Variants in CD226 observed in about 807,000 individuals in gnomAD.
The protein encoded by CD226 is CD226 molecule.
In CD226, 24 loss-of-function variants were observed where a neutral mutation model predicts 34.9. That is an observed-to-expected ratio of 0.69 (90% CI 0.50 to 0.97). CD226 has a LOEUF of 0.97. Among genes scored for constraint, CD226 ranks in the 50% least tolerant of loss-of-function variants. The pLI is 0.00. For missense variants in CD226, 397 were observed against 412.7 expected (o/e 0.96, Z 0.33); for synonymous variants, 148 against 147.4 (o/e 1.00, Z -0.03).
At chr18:69,946,662 C>T (rs2055796012) in intron 2 of CD226, 72 bp downstream of exon 2, 2 of 1,001,328 alleles carry the variant, frequency 2.0e-6, no homozygotes, top group Middle Eastern at 2.3e-4. Context: ...ATAGCTTCTA[C>T]TTGGGCTTTA....
intron 3 of CD226, among the ~76,000 whole-genome samples, chr18:69,880,534 T>C (rs1471850459): frequency 2.6e-5 from 4 of 151,254 alleles, no homozygotes; most frequent in Non-Finnish European, 5.9e-5. Context: ...GTCTTAGAAG[T>C]AGAAAGTAGA....
chr18:69,909,805 C>A (rs2055302240), intron 2 of CD226, among the ~76,000 whole-genome samples: 2 of 152,180 alleles, frequency 1.3e-5, no homozygotes, highest in Admixed American at 1.3e-4. Flanking sequence ...TAATCCTACG[C>A]AACAATAATT....
At chr18:69,917,099 C>A (rs993287396) in intron 2 of CD226, among the ~76,000 whole-genome samples, 9 of 152,142 alleles carry the variant, frequency 5.9e-5, no homozygotes, top group Non-Finnish European at 8.8e-5. Context: ...TGACAAGGGC[C>A]TTGTCATAAT....
intron 3 of CD226, among the ~76,000 whole-genome samples, chr18:69,878,858 GAAC>G (rs1417334658): frequency 6.6e-6 from 1 of 152,112 alleles, no homozygotes; most frequent in Non-Finnish European, 1.5e-5. Context: ...TTTATCGGGG[GAAC>G]CTGCCCCTGA....
intron 3 of CD226, among the ~76,000 whole-genome samples, chr18:69,883,453 T>C (rs1178343878): frequency 6.6e-6 from 1 of 152,138 alleles, no homozygotes; most frequent in Non-Finnish European, 1.5e-5. Flanking sequence ...CCATCTTGCT[T>C]CTCATTATAT....
intron 2 of CD226, among the ~76,000 whole-genome samples, chr18:69,911,762 T>G (rs1400158093): frequency 6.6e-6 from 1 of 152,222 alleles, no homozygotes; most frequent in Non-Finnish European, 1.5e-5. Flanking sequence ...AGGTAAATAC[T>G]TTGGTATACA....
intron 1 of CD226, among the ~76,000 whole-genome samples, chr18:69,955,780 G>A (rs1453575394): frequency 2.1e-5 from 3 of 141,884 alleles, no homozygotes; most frequent in African/African-American, 5.1e-5. Flanking sequence ...GGAGAATGGC[G>A]TGAACCCAGG....
At position 69,856,694 on chromosome 18, in the gene CD226, T is replaced by G. The variant is rs1982620293; in HGVS notation, c.*7620A>C. ...AAATATATAGAGATTAAACAACACATTGTAAATAATTCATGGCTCAAAGAA... is the reference window on the plus strand; with the variant it reads ...AAATATATAGAGATTAAACAACACAGTGTAAATAATTCATGGCTCAAAGAA... On this transcript the variant is annotated 3_prime_UTR_variant, in exon 6 of 6. Coordinates refer to ENST00000582621, the MANE Select transcript of CD226 (RefSeq NM_001303618.2). 1 of 152,060 alleles carries G rather than the reference T, an allele frequency of 6.6e-6. No homozygotes were observed. The highest frequency in any genetic ancestry group is 2.1e-4 in the South Asian group (1 of 4,812). The allele number at this position is 152,060 out of a possible 1,614,324, so 9.4% of individuals were successfully genotyped here.
At chr18:69,865,656 C>T (rs1760531737) in intron 5 of CD226, among the ~76,000 whole-genome samples, 1 of 152,154 alleles carries the variant, frequency 6.6e-6, no homozygotes, top group South Asian at 2.1e-4. Context: ...CTTGATTCTA[C>T]AGTTGGCATC....
intron 3 of CD226, among the ~76,000 whole-genome samples, chr18:69,875,666 C>G (rs1270457581): frequency 6.6e-6 from 1 of 152,158 alleles, no homozygotes; most frequent in Non-Finnish European, 1.5e-5. Context: ...TTCCATATAC[C>G]TATTGGCCAG....
chr18:69,864,514 C>T, intron 5 of CD226, 75 bp from the exon 6 acceptor site: 2 of 1,444,242 alleles, frequency 1.4e-6, no homozygotes, highest in Non-Finnish European at 9.5e-7. Context: ...CAAAACATAC[C>T]TCTCATAAAT....
intron 2 of CD226, among the ~76,000 whole-genome samples, chr18:69,942,767 C>T (rs1384005609): frequency 6.6e-6 from 1 of 152,156 alleles, no homozygotes; most frequent in African/African-American, 2.4e-5. Flanking sequence ...GTGAGAACCA[C>T]ATCTTATCCA....
rs748881338 is a variant in CD226, at chr18:69,946,859, A to G, written c.257T>C (p.Met86Thr). Residue 86 changes from methionine to threonine, a missense_variant, in exon 2 of 6, where the codon ATG (methionine) becomes ACG (threonine). By Grantham distance (81) the Met-to-Thr change is moderately conservative. Coordinates refer to ENST00000582621, the MANE Select transcript of CD226 (RefSeq NM_001303618.2). ...AERVYFLNST[M>T]ASNNMTLFFR... ...GAAAAGAGTCATGTTATTGGAAGCC[A>G]TCGTTGAATTCAAAAAGTAAACCCT... 48 of 1,614,056 alleles carry G rather than the reference A, an allele frequency of 3.0e-5. No individual in the cohort carries two copies. Among genetic ancestry groups the G allele is most frequent in the Non-Finnish European group, 1.1e-5 (13 of 1,180,024 alleles).
intron 2 of CD226, among the ~76,000 whole-genome samples, chr18:69,939,520 T>C (rs1386807642): frequency 1.3e-5 from 2 of 152,228 alleles, no homozygotes; most frequent in Non-Finnish European, 2.9e-5. Flanking sequence ...GATGGGTATT[T>C]GGGTTGTTAC....
chr18:69,950,184 A>G (rs2055839062), upstream of CD226, among the ~76,000 whole-genome samples: 2 of 152,044 alleles, frequency 1.3e-5, no homozygotes, highest in Non-Finnish European at 2.9e-5. Context: ...TCGTACATGC[A>G]TACACTCACA....
At chr18:69,913,612 G>A (rs1015465686) in intron 2 of CD226, among the ~76,000 whole-genome samples, 10 of 152,202 alleles carry the variant, frequency 6.6e-5, no homozygotes, top group African/African-American at 2.4e-4. Flanking sequence ...TACTCTTAGA[G>A]TAACAACCTT....
Position 69,904,550 on chromosome 18 carries a change from T to TA in CD226, c.383-8506dup, listed in dbSNP as rs575968523. ...TAATGTTTGTTCAGGTTCTAATTGT[T>TA]AAAAAAAATAACTTTCAATCTCTCC... On this transcript the variant is annotated intron_variant, in intron 2 of 5. Coordinates refer to ENST00000582621, the MANE Select transcript of CD226 (RefSeq NM_001303618.2). 1.5e-3 allele frequency among the ~76,000 whole-genome samples: 231 copies of TA among 152,124 alleles called. 1 individual carries two copies. In the South Asian group the frequency reaches 0.029, roughly 19 times the overall value.
intron 2 of CD226, among the ~76,000 whole-genome samples, chr18:69,918,198 C>A (rs2055408669): frequency 1.3e-5 from 2 of 152,198 alleles, no homozygotes; most frequent in African/African-American, 2.4e-5. Flanking sequence ...GAGTCACCTA[C>A]TTCAATTACA....
In CD226 at chr18:69,947,523, T is replaced by A; in HGVS notation, c.-117A>T. The A allele has an allele frequency of 1.7e-6, 1 of 573,898 alleles. No individual in the cohort carries two copies. Among genetic ancestry groups the A allele is most frequent in the Non-Finnish European group, 3.0e-6 (1 of 333,210 alleles). 35.6% of individuals were successfully genotyped at this position (573,898 alleles called of 1,614,324 possible). ...TTCCTCTCAGATGTTATCAGTCGTG[T>A]CTTCTTTTTCTGAAGTATGAACACA... On this transcript the variant is annotated 5_prime_UTR_variant, in exon 1 of 6. Coordinates refer to ENST00000582621, the MANE Select transcript of CD226 (RefSeq NM_001303618.2).
Sources: gnomAD v4.1 joint callset for allele counts (sites outside exome capture counted in the v4.1 genomes callset) on GRCh38, gnomAD v4.1.1 for gene constraint, MANE v1.5 for transcripts, NCBI Gene and HGNC (gene_info 2026-07-23, HGNC 2026-07-21) for gene names.